Variants in PPP2R3A observed in about 807,000 individuals in gnomAD.
The protein encoded by PPP2R3A is protein phosphatase 2 regulatory subunit B''alpha.
PPP2R3A carries 80 observed loss-of-function variants against 106.9 expected under a neutral mutation model. That is an observed-to-expected ratio of 0.75 (90% confidence interval 0.62 to 0.90). The LOEUF is 0.90. Among genes scored for constraint, PPP2R3A ranks in the 40% least tolerant of loss-of-function variants. The pLI is 0.00. For missense variants in PPP2R3A, 1,386 were observed against 1,350.4 expected (o/e 1.03, Z -0.41); for synonymous variants, 483 against 468.3 (o/e 1.03, Z -0.41).
At chr3:136,037,656 C>T (rs1178582953) in intron 3 of PPP2R3A, among the ~76,000 whole-genome samples, 1 of 152,142 alleles carries the variant, frequency 6.6e-6, no homozygotes. Flanking sequence ...GTGAGGATCA[C>T]GTGAAGGCCA....
At position 136,003,395 on chromosome 3, in the gene PPP2R3A, T is replaced by C. The variant is rs978317083; in HGVS notation, c.1897T>C (p.Ser633Pro). 1.2e-6 allele frequency: 2 copies of C among 1,613,854 alleles called. No individual in the cohort carries two copies. Among genetic ancestry groups the C allele is most frequent in the South Asian group, 1.1e-5 (1 of 91,082 alleles). Residue 633 changes from serine to proline, a missense_variant, in exon 2 of 14, where the codon TCC becomes CCC. Transcript: ENST00000264977. Reference protein sequence around the residue: ...QILQETLTTSSQANLSVCRSP... With the variant: ...QILQETLTTSPQANLSVCRSP... Reference sequence around the variant, plus strand: ...TCTACAGGAAACCTTGACAACTTCCTCCCAGGCCAATTTATCAGTCTGTAG... The same window carrying C: ...TCTACAGGAAACCTTGACAACTTCCCCCCAGGCCAATTTATCAGTCTGTAG...
rs776960891 is a variant in PPP2R3A, at chr3:136,145,189, G to C, written c.*23G>C. 6.3e-7 allele frequency: 1 copy of C among 1,590,904 alleles called. No individual in the cohort carries two copies. The highest frequency in any genetic ancestry group is 8.5e-7 in the Non-Finnish European group (1 of 1,172,408). Reference sequence around the variant, plus strand: ...TAGCTGCCGGTGTCTACAATGAAACGAAGATGTGTATTTTAAATGTTTCTT... The same window carrying C: ...TAGCTGCCGGTGTCTACAATGAAACCAAGATGTGTATTTTAAATGTTTCTT... On this transcript the variant is annotated 3_prime_UTR_variant, in exon 14 of 14. Coordinates refer to ENST00000264977, the MANE Select transcript of PPP2R3A (RefSeq NM_002718.5).
In PPP2R3A at chr3:136,002,284, C is replaced by A; in HGVS notation, c.786C>A (p.Ile262=). ...QCIKKKSGSS[I]SEGSGNDTIS... ...TAAAGAAAAAATCAGGGAGTAGCAT[C>A]AGTGAAGGAAGTGGTAATGATACAA... Residue 262 remains isoleucine (I), a synonymous_variant, in exon 2 of 14, where the codon ATC becomes ATA. Transcript: ENST00000264977. 2 of 1,613,788 alleles carry A rather than the reference C, an allele frequency of 1.2e-6. No homozygotes were observed. The highest frequency in any genetic ancestry group is 8.5e-7 in the Non-Finnish European group (1 of 1,179,846).
At chr3:136,019,658 C>T (rs1163215905) in intron 2 of PPP2R3A, among the ~76,000 whole-genome samples, 2 of 152,148 alleles carry the variant, frequency 1.3e-5, no homozygotes, top group South Asian at 4.1e-4. Context: ...AGCATATATA[C>T]TAATACTTCC....
At chr3:136,041,250 GTTT>G in intron 4 of PPP2R3A, among the ~76,000 whole-genome samples, 1 of 56,588 alleles carries the variant, frequency 1.8e-5, no homozygotes, top group Non-Finnish European at 3.7e-5. Flanking sequence ...TTTTTTTTTT[GTTT>G]TTTTTTTTGT....
At chr3:135,980,483 G>A (rs1937527725) in intron 1 of PPP2R3A, among the ~76,000 whole-genome samples, 2 of 151,456 alleles carry the variant, frequency 1.3e-5, no homozygotes, top group South Asian at 2.1e-4. Flanking sequence ...TAATAGAAAA[G>A]GAAGGTTAAA....
chr3:136,087,789 C>A, intron 8 of PPP2R3A, 94 bp from the exon 9 acceptor site: 1 of 834,188 alleles, frequency 1.2e-6, no homozygotes, highest in Non-Finnish European at 2.0e-6. Context: ...TACGGTTTAG[C>A]TTGTAGCTAG....
intron 12 of PPP2R3A, 34 bp from the exon 13 acceptor site, chr3:136,106,182 T>C: frequency 6.4e-7 from 1 of 1,561,528 alleles, no homozygotes; most frequent in Non-Finnish European, 8.8e-7. Flanking sequence ...CTTTGATTTT[T>C]TTTATTTCTC....
intron 13 of PPP2R3A, among the ~76,000 whole-genome samples, chr3:136,139,707 AAAG>A (rs1327874961): frequency 7.9e-5 from 11 of 139,982 alleles, no homozygotes; most frequent in African/African-American, 2.5e-4. Context: ...AAAAAAAAAA[AAAG>A]AGTTTGTTCT....
intron 3 of PPP2R3A, among the ~76,000 whole-genome samples, chr3:136,034,191 A>T (rs1935005671): frequency 6.6e-6 from 1 of 151,784 alleles, no homozygotes; most frequent in Non-Finnish European, 1.5e-5. Flanking sequence ...GCGCACTACT[A>T]CACCCAGCTA....
At chr3:136,036,517 GGCTCTGGACT>G (rs1935091329) in intron 3 of PPP2R3A, among the ~76,000 whole-genome samples, 1 of 152,148 alleles carries the variant, frequency 6.6e-6, no homozygotes, top group African/African-American at 2.4e-5. Flanking sequence ...AGCAAGTCCA[GGCTCTGGACT>G]GCTACTGGGG....
At chr3:136,134,859 T>G (rs1938545363) in intron 13 of PPP2R3A, among the ~76,000 whole-genome samples, 1 of 152,120 alleles carries the variant, frequency 6.6e-6, no homozygotes, top group Admixed American at 6.6e-5. Flanking sequence ...GACAGGCTGT[T>G]TTATCACTTT....
chr3:136,000,614 G>A (rs1349228175), intron 1 of PPP2R3A, among the ~76,000 whole-genome samples: 1 of 152,182 alleles, frequency 6.6e-6, no homozygotes. Context: ...AGACTAGGTT[G>A]ATGGAAGCAA....
intron 10 of PPP2R3A, 130 bp from the exon 11 acceptor site, chr3:136,101,877 A>C: frequency 1.9e-6 from 2 of 1,025,970 alleles, no homozygotes; most frequent in Non-Finnish European, 2.7e-6. Context: ...TCTCTAACAA[A>C]CTTTGTAAAA....
chr3:136,116,427 A>G (rs1559929403), intron 13 of PPP2R3A, among the ~76,000 whole-genome samples: 1 of 152,234 alleles, frequency 6.6e-6, no homozygotes, highest in African/African-American at 2.4e-5. Flanking sequence ...TAAATGCCCC[A>G]GTTAAAAGAC....
chr3:135,966,410 C>T (rs1442487289), intron 1 of PPP2R3A, among the ~76,000 whole-genome samples: 3 of 152,216 alleles, frequency 2.0e-5, no homozygotes, highest in African/African-American at 7.2e-5. Flanking sequence ...AGCCGGGGTA[C>T]CTGAAACAAA....
chr3:135,994,768 C>T (rs940319490), intron 1 of PPP2R3A, among the ~76,000 whole-genome samples: 1 of 152,212 alleles, frequency 6.6e-6, no homozygotes, highest in Non-Finnish European at 1.5e-5. Flanking sequence ...CCTTATACCT[C>T]TCTAAACACA....
At chr3:135,992,908 A>G (rs1271754789) in intron 1 of PPP2R3A, among the ~76,000 whole-genome samples, 2 of 152,150 alleles carry the variant, frequency 1.3e-5, no homozygotes, top group African/African-American at 4.8e-5. Flanking sequence ...AAGGAAGGAG[A>G]CAGTGAATTT....
rs1470030915 is a variant in PPP2R3A, at chr3:136,034,027, C to A, written c.2263-6832C>A. Among the ~76,000 whole-genome samples the A allele has an allele frequency of 2.1e-5, 3 of 139,654 alleles. No individual in the cohort carries two copies. The East Asian group carries it at 6.3e-4, about 29-fold the overall frequency. The allele number at this position is 139,654 out of a possible 152,430, so 91.6% of individuals were successfully genotyped here. On this transcript the variant is annotated intron_variant, in intron 3 of 13. Coordinates refer to ENST00000264977, the MANE Select transcript of PPP2R3A (RefSeq NM_002718.5). ...GTTTGTGCTCTTTCAGACTTTTTTTCTTTTTCTTTTTCTTTTTTTTTTTTT... is the reference window on the plus strand; with the variant it reads ...GTTTGTGCTCTTTCAGACTTTTTTTATTTTTCTTTTTCTTTTTTTTTTTTT...
Sources: gnomAD v4.1 joint callset for allele counts (sites outside exome capture counted in the v4.1 genomes callset) on GRCh38, gnomAD v4.1.1 for gene constraint, MANE v1.5 for transcripts, NCBI Gene and HGNC (gene_info 2026-07-23, HGNC 2026-07-21) for gene names.